Variants in NINJ2 observed in about 807,000 individuals in gnomAD.
NINJ2 encodes the protein ninjurin 2, also known as ninjurin-2.
NINJ2 carries 12 observed loss-of-function variants against 11.7 expected under a neutral mutation model. The ratio of observed to expected loss-of-function variants is 1.02; its 90% CI spans 0.66 to 1.66. NINJ2 has a LOEUF of 1.66. Ranked by LOEUF, NINJ2 falls within the 40% of genes most tolerant of loss-of-function variation. The pLI is 0.00. For missense variants in NINJ2, 187 were observed against 181.8 expected (o/e 1.03, Z -0.16); for synonymous variants, 93 against 76.8 (o/e 1.21, Z -1.10).
chr12:565,706 G>A (rs1029220658), intron 2 of NINJ2: 9 of 621,564 alleles, frequency 1.4e-5, no homozygotes, highest in Non-Finnish European at 2.3e-5. Flanking sequence ...AGGTGCTGGC[G>A]CAGTCATTCA....
chr12:663,253 A>T (rs1256058743), intron 1 of NINJ2, 75 bp downstream of exon 1: 1 of 1,346,618 alleles, frequency 7.4e-7, no homozygotes, highest in African/African-American at 1.4e-5. Flanking sequence ...AAGTGACTAA[A>T]GTATCAATCC....
chr12:640,687 G>T lies in NINJ2; in HGVS notation c.33+22641C>A, dbSNP rs1948407023. ...TATCTGTATTTTTAGTAGAGACCCT[G>T]TCTCTTCACTATGTCGTCCAGGCTG... On this transcript the variant is annotated intron_variant, in intron 1 of 3. Coordinates refer to ENST00000305108, the MANE Select transcript of NINJ2 (RefSeq NM_016533.6). The surrounding 1 kb of genome is among the most constrained non-coding windows in gnomAD (Gnocchi z 4.0). Among the ~76,000 whole-genome samples the T allele has an allele frequency of 6.6e-6, 1 of 152,122 alleles. No individual in the cohort carries two copies. Among genetic ancestry groups the T allele is most frequent in the Non-Finnish European group, 1.5e-5 (1 of 68,030 alleles).
At position 580,916 on chromosome 12, in the gene NINJ2, ATGTT is replaced by A. The variant is rs1262696741; in HGVS notation, c.34-14742_34-14739del. ...TCTGTGTGTCTGTGTGTGTGTCTGT[ATGTT>A]TGTGTGTGTGTGCCTGTGTGTCTGT... On this transcript the variant is annotated intron_variant, in intron 1 of 3. Transcript: ENST00000305108. The surrounding 1 kb of genome is among the most constrained non-coding windows in gnomAD (Gnocchi z 4.7). Among the ~76,000 whole-genome samples the A allele has an allele frequency of 7.2e-6, 1 of 139,706 alleles. No homozygotes were observed. Among genetic ancestry groups the A allele is most frequent in the African/African-American group, 2.7e-5 (1 of 36,806 alleles). 91.7% of individuals were successfully genotyped at this position (139,706 alleles called of 152,430 possible). A position where few individuals can be genotyped will look rare whatever the true frequency, so the allele number is the denominator to read the frequency against.
At chr12:620,778 C>T (rs1490443654) in intron 1 of NINJ2, among the ~76,000 whole-genome samples, 3 of 152,060 alleles carry the variant, frequency 2.0e-5, no homozygotes, top group South Asian at 2.1e-4. Flanking sequence ...TACAGGTGTG[C>T]GCCACAATGC....
At chr12:641,571 T>C (rs1463793515) in intron 1 of NINJ2, among the ~76,000 whole-genome samples, 1 of 152,124 alleles carries the variant, frequency 6.6e-6, no homozygotes, top group Admixed American at 6.5e-5. Context: ...CCGGGCGCGG[T>C]GGCTCACACT....
At chr12:601,323 G>T (rs1947864562) in intron 1 of NINJ2, among the ~76,000 whole-genome samples, 1 of 151,854 alleles carries the variant, frequency 6.6e-6, no homozygotes, top group South Asian at 2.1e-4. Flanking sequence ...GAGGCGGGCG[G>T]ATCAGGAAGT....
intron 1 of NINJ2, chr12:645,559 G>T (rs1937664036): frequency 6.6e-6 from 1 of 152,322 alleles, no homozygotes; most frequent in South Asian, 2.1e-4. Flanking sequence ...AGGGCTCAGA[G>T]ATTAGATCAC....
At chr12:594,880 T>G (rs1649984949) in intron 1 of NINJ2, among the ~76,000 whole-genome samples, 1 of 152,064 alleles carries the variant, frequency 6.6e-6, no homozygotes, top group Non-Finnish European at 1.5e-5. Context: ...AACTCAATAT[T>G]AAAGGAAAAA....
chr12:661,171 T>A (rs1937952727), intron 1 of NINJ2, among the ~76,000 whole-genome samples: 1 of 152,150 alleles, frequency 6.6e-6, no homozygotes, highest in Non-Finnish European at 1.5e-5. Flanking sequence ...CTTGAACTCC[T>A]GGCTTCAAAC....
intron 1 of NINJ2, among the ~76,000 whole-genome samples, chr12:620,430 G>A (rs1422395120): frequency 2.0e-5 from 3 of 152,256 alleles, no homozygotes; most frequent in African/African-American, 7.2e-5. Context: ...AGAACAAATA[G>A]ATGATGCGTC....
intron 1 of NINJ2, among the ~76,000 whole-genome samples, chr12:568,696 A>G (rs16931792): frequency 0.025 from 3,869 of 152,296 alleles, 178 homozygotes; most frequent in African/African-American, 0.088. Flanking sequence ...CATTATTGAG[A>G]TTCCGAGTGT....
At chr12:573,023 ATTTTT>A (rs1301909243) in intron 1 of NINJ2, among the ~76,000 whole-genome samples, 2 of 106,302 alleles carry the variant, frequency 1.9e-5, no homozygotes, top group African/African-American at 7.4e-5. Context: ...CACCCAGCTA[ATTTTT>A]TTTTTTTTTT....
rs146440848 is a variant in NINJ2, at chr12:618,042, C to T, written c.33+45286G>A. Among the ~76,000 whole-genome samples, 11 of 151,964 alleles carry T rather than the reference C, an allele frequency of 7.2e-5. No individual in the cohort carries two copies. In the East Asian group the frequency reaches 2.1e-3, roughly 29 times the overall value. On this transcript the variant is annotated intron_variant, in intron 1 of 3. Transcript: ENST00000305108. ...GGATTCTGATTTACGGATTTAATGT[C>T]AGACTGCATAAAAGCCTCCTCTCTC...
Position 583,829 on chromosome 12 carries a change from G to T in NINJ2, c.34-17651C>A, listed in dbSNP as rs1215265659. On this transcript the variant is annotated intron_variant, in intron 1 of 3. Transcript: ENST00000305108. ...GACCTGGCCCTGCCCCTTCATAGCT[G>T]CATGGCTTGGGAGCTCTCTCAGTCA... 2.6e-5 allele frequency among the ~76,000 whole-genome samples: 4 copies of T among 152,152 alleles called. No individual in the cohort carries two copies. In the East Asian group the frequency reaches 7.7e-4, roughly 29 times the overall value.
At chr12:627,530 T>C (rs1948222963) in intron 1 of NINJ2, among the ~76,000 whole-genome samples, 1 of 152,158 alleles carries the variant, frequency 6.6e-6, no homozygotes, top group Non-Finnish European at 1.5e-5. Flanking sequence ...AGGATTTAGA[T>C]GGATAAAGTG....
chr12:597,198 G>T (rs1947799694), intron 1 of NINJ2, among the ~76,000 whole-genome samples: 1 of 152,314 alleles, frequency 6.6e-6, no homozygotes, highest in East Asian at 1.9e-4. Flanking sequence ...CCGGGTGATG[G>T]CTGGTTCCAC....
intron 1 of NINJ2, among the ~76,000 whole-genome samples, chr12:659,220 TAACC>T: frequency 6.6e-6 from 1 of 152,080 alleles, no homozygotes; most frequent in African/African-American, 2.4e-5. Flanking sequence ...TCGCTCTACT[TAACC>T]TGAGCTATAC....
chr12:631,449 C>T (rs1948280417), intron 1 of NINJ2, among the ~76,000 whole-genome samples: 2 of 152,172 alleles, frequency 1.3e-5, no homozygotes, highest in South Asian at 2.1e-4. Context: ...ATGCAACCTC[C>T]GCCTCCCGGG....
At position 601,522 on chromosome 12, in the gene NINJ2, T is replaced by C. The variant is rs554756971; in HGVS notation, c.34-35344A>G. Among the ~76,000 whole-genome samples the C allele has an allele frequency of 2.7e-5, 4 of 147,264 alleles. No individual in the cohort carries two copies. The South Asian group carries it at 8.6e-4, about 32-fold the overall frequency. The stretch of plus-strand genomic sequence containing the variant: ...AAGATCAGGCCACTGCACTCCAGCC[T>C]GGGCCACAGAAGCAAGACTCCGTCT... On this transcript the variant is annotated intron_variant, in intron 1 of 3. Coordinates refer to ENST00000305108, the MANE Select transcript of NINJ2 (RefSeq NM_016533.6).
Sources: gnomAD v4.1 joint callset for allele counts (sites outside exome capture counted in the v4.1 genomes callset) on GRCh38, gnomAD v4.1.1 for gene constraint, Gnocchi (gnomAD v3.1) non-coding constraint, MANE v1.5 for transcripts, NCBI Gene and HGNC (gene_info 2026-07-23, HGNC 2026-07-21) for gene names.